SUMF1: variants seen among roughly 807,000 people sequenced by gnomAD.
The protein encoded by SUMF1 is formylglycine-generating enzyme.
SUMF1 carries 48 observed loss-of-function variants against 47.6 expected under a neutral mutation model. The ratio of observed to expected loss-of-function variants is 1.01; its 90% CI spans 0.80 to 1.28. SUMF1 has a LOEUF of 1.28. Ranked by LOEUF, SUMF1 falls within the 50% of genes most tolerant of loss-of-function variation. SUMF1 has a pLI of 0.00. For synonymous variants in SUMF1, 230 were observed against 192.1 expected, an observed-to-expected ratio of 1.20 and a Z score of -1.63; for missense variants, 571 against 485.4, an observed-to-expected ratio of 1.18 and a Z score of -1.66.
intron 8 of SUMF1, among the ~76,000 whole-genome samples, chr3:4,224,070 T>A (rs1256084454): frequency 1.3e-5 from 2 of 149,418 alleles, no homozygotes; most frequent in Non-Finnish European, 3.0e-5. Context: ...GGGGGTGGAG[T>A]GTGATGAAGA....
At chr3:4,437,917 C>CA (rs1340961330) in intron 3 of SUMF1, among the ~76,000 whole-genome samples, 1 of 151,150 alleles carries the variant, frequency 6.6e-6, no homozygotes, top group African/African-American at 2.4e-5. Flanking sequence ...CCAGCCTGGG[C>CA]AACAGGGCAA....
At chr3:4,456,945 C>CAT (rs2079656207) in intron 1 of SUMF1, among the ~76,000 whole-genome samples, 1 of 55,920 alleles carries the variant, frequency 1.8e-5, no homozygotes, top group South Asian at 5.2e-4. Flanking sequence ...CGTGTGTGTA[C>CAT]ATATATACGT....
rs554316400 is a variant in SUMF1, at chr3:4,056,732, T to C, written c.1191+11837A>G. On this transcript the variant is annotated intron_variant and NMD_transcript_variant, in intron 9 of 12. Transcript: ENST00000448413. ...TTTTTGTTTCTTTCTTACTATGTGA[T>C]CCATAATTTTTTTTATTTATTTTTT... Among the ~76,000 whole-genome samples, 39 of 152,184 alleles carry C rather than the reference T, an allele frequency of 2.6e-4. No homozygotes were observed. The South Asian group carries it at 7.5e-3, about 29-fold the overall frequency.
At chr3:4,284,224 A>G (rs1287648749) in intron 8 of SUMF1, among the ~76,000 whole-genome samples, 2 of 151,804 alleles carry the variant, frequency 1.3e-5, no homozygotes, top group Non-Finnish European at 2.9e-5. Context: ...AGACCAGCCT[A>G]GGCAACATGG....
rs768873638 is a variant in SUMF1, at chr3:4,224,558, T to A, written c.1014+151772A>T. 3.3e-5 allele frequency among the ~76,000 whole-genome samples: 5 copies of A among 152,026 alleles called. No individual in the cohort carries two copies. In the South Asian group the frequency reaches 8.3e-4, roughly 25 times the overall value. On this transcript the variant is annotated intron_variant and NMD_transcript_variant, in intron 8 of 12. Transcript: ENST00000448413. ...TTTCCAGGGATCCTACTCAAAATAG[T>A]TCACAACTAGCACAGCAAGGGGGCC... is the stretch of plus-strand genomic sequence containing the variant.
chr3:4,445,352 C>T (rs1702744249), intron 3 of SUMF1, among the ~76,000 whole-genome samples: 1 of 151,904 alleles, frequency 6.6e-6, no homozygotes, highest in Non-Finnish European at 1.5e-5. Context: ...TTGTTTTCTC[C>T]CCAGAGACAG....
chr3:4,275,322 T>C (rs771695739), intron 8 of SUMF1, among the ~76,000 whole-genome samples: 10 of 152,124 alleles, frequency 6.6e-5, no homozygotes, highest in African/African-American at 1.2e-4. Context: ...GTTGGCATGA[T>C]TGGGGCACCA....
chr3:4,134,532 G>T (rs1314524751), intron 8 of SUMF1, among the ~76,000 whole-genome samples: 3 of 152,156 alleles, frequency 2.0e-5, no homozygotes. Flanking sequence ...ATCTAAAATT[G>T]ACACCCTAAC....
intron 8 of SUMF1, among the ~76,000 whole-genome samples, chr3:4,091,636 A>G (rs1200382682): frequency 1.3e-5 from 2 of 152,152 alleles, no homozygotes; most frequent in African/African-American, 2.4e-5. Flanking sequence ...ACTTTAACAA[A>G]AATTCATTTT....
intron 8 of SUMF1, among the ~76,000 whole-genome samples, chr3:4,269,435 C>G (rs976499459): frequency 1.3e-5 from 2 of 152,108 alleles, no homozygotes; most frequent in African/African-American, 4.8e-5. Flanking sequence ...TTTTTTAAAC[C>G]TTAAATTCAG....
intron 9 of SUMF1, among the ~76,000 whole-genome samples, chr3:4,044,241 C>T (rs1286224451): frequency 1.3e-5 from 2 of 152,188 alleles, no homozygotes; most frequent in Non-Finnish European, 2.9e-5. Context: ...GACCCTTCCT[C>T]CTTTCCTTGC....
At chr3:4,316,906 G>A (rs189207238) in intron 8 of SUMF1, 11 of 1,549,378 alleles carry the variant, frequency 7.1e-6, no homozygotes, top group Admixed American at 5.9e-5. Flanking sequence ...AAACTGCAAC[G>A]CCTGCAGCTG....
chr3:4,400,739 G>A (rs1374252418), intron 7 of SUMF1, among the ~76,000 whole-genome samples: 2 of 152,254 alleles, frequency 1.3e-5, no homozygotes, highest in African/African-American at 2.4e-5. Flanking sequence ...TTATAGACAA[G>A]GAAACAGAAG....
chr3:4,378,373 T>A (rs1345302477), intron 7 of SUMF1, among the ~76,000 whole-genome samples: 1 of 152,202 alleles, frequency 6.6e-6, no homozygotes, highest in Non-Finnish European at 1.5e-5. Context: ...TGCACAATTG[T>A]AAACTCAAAA....
chr3:4,126,121 C>T (rs566257222), intron 8 of SUMF1, among the ~76,000 whole-genome samples: 17 of 151,668 alleles, frequency 1.1e-4, no homozygotes, highest in African/African-American at 2.9e-4. Context: ...TATATAGATG[C>T]TTCTTTTCTG....
chr3:4,393,855 G>A (rs1210052377), intron 7 of SUMF1, among the ~76,000 whole-genome samples: 1 of 151,904 alleles, frequency 6.6e-6, no homozygotes, highest in South Asian at 2.1e-4. Context: ...TTACAATTTT[G>A]TTCAGTTTTG....
chr3:4,338,559 TA>T (rs1213968374), intron 8 of SUMF1, among the ~76,000 whole-genome samples: 6 of 152,204 alleles, frequency 3.9e-5, no homozygotes, highest in Admixed American at 3.3e-4. Context: ...CCTGAGCTCA[TA>T]ATTCATTCAA....
intron 8 of SUMF1, among the ~76,000 whole-genome samples, chr3:4,100,583 CATAG>C (rs905192221): frequency 2.6e-5 from 4 of 151,894 alleles, no homozygotes; most frequent in African/African-American, 9.7e-5. Context: ...CAGAAGAAAA[CATAG>C]GGGGAAACCT....
At chr3:4,182,523 C>T (rs1008638881) in intron 8 of SUMF1, among the ~76,000 whole-genome samples, 4 of 151,914 alleles carry the variant, frequency 2.6e-5, no homozygotes, top group Non-Finnish European at 4.4e-5. Flanking sequence ...CAGACATATA[C>T]TTCCATTAAA....
Sources: allele counts gnomAD v4.1 joint callset (sites outside exome capture counted in the v4.1 genomes callset), GRCh38; gene constraint gnomAD v4.1.1; transcripts MANE v1.5; gene names NCBI Gene and HGNC (gene_info 2026-07-23, HGNC 2026-07-21).